The following RYR2 variants were observed in gnomAD, a reference collection of about 807,000 sequenced individuals.
The protein encoded by RYR2 is cardiac muscle ryanodine receptor-calcium release channel.
RYR2 carries 227 observed loss-of-function variants against 601.1 expected under a neutral mutation model. The ratio of observed to expected loss-of-function variants is 0.38; its 90% CI spans 0.34 to 0.42. The LOEUF (loss-of-function observed/expected upper bound fraction) is 0.42. RYR2 is among the 10% of genes least tolerant of loss of function. RYR2 has a pLI of 1.00. For missense variants in RYR2, 4,646 were observed against 6,156.5 expected (o/e 0.75, Z 8.21); for synonymous variants, 2,223 against 2,175.1 (o/e 1.02, Z -0.61).
chr1:237,442,567 A>G (rs1327174255), intron 13 of RYR2, among the ~76,000 whole-genome samples: 1 of 152,194 alleles, frequency 6.6e-6, no homozygotes, highest in African/African-American at 2.4e-5. Context: ...TGTTATCTCA[A>G]TAATATCTTT....
At chr1:237,461,748 A>G (rs773062321) in intron 16 of RYR2, among the ~76,000 whole-genome samples, 1 of 151,770 alleles carries the variant, frequency 6.6e-6, no homozygotes, top group Non-Finnish European at 1.5e-5. Flanking sequence ...AAAAACATTT[A>G]TATATTAGTG....
At chr1:237,556,395 G>C (rs887789453) in intron 27 of RYR2, among the ~76,000 whole-genome samples, 7 of 151,250 alleles carry the variant, frequency 4.6e-5, no homozygotes, top group African/African-American at 1.7e-4. Context: ...TGCCTCCCTG[G>C]TTCAGGTGAT....
At chr1:237,185,442 CATT>C (rs1194329174) in intron 1 of RYR2, among the ~76,000 whole-genome samples, 1 of 152,150 alleles carries the variant, frequency 6.6e-6, no homozygotes, top group Non-Finnish European at 1.5e-5. Context: ...AAACAGAACT[CATT>C]ATCTTTCCTG....
intron 2 of RYR2, among the ~76,000 whole-genome samples, chr1:237,288,900 G>A (rs1691884751): frequency 6.6e-6 from 1 of 152,090 alleles, no homozygotes; most frequent in African/African-American, 2.4e-5. Flanking sequence ...GTTTTACCCC[G>A]TGCTCCTCTC....
chr1:237,261,937 T>C (rs1465774914), intron 1 of RYR2, among the ~76,000 whole-genome samples: 2 of 152,216 alleles, frequency 1.3e-5, no homozygotes, highest in Non-Finnish European at 2.9e-5. Context: ...TTTTTAAAAT[T>C]TGTCCTCTTC....
At chr1:237,055,594 G>T (rs533624643) in intron 1 of RYR2, among the ~76,000 whole-genome samples, 1 of 152,270 alleles carries the variant, frequency 6.6e-6, no homozygotes, top group East Asian at 1.9e-4. Flanking sequence ...AAAAGACAAA[G>T]CTGAGCTTCA....
chr1:237,146,639 G>C (rs749845125), intron 1 of RYR2, among the ~76,000 whole-genome samples: 16 of 152,020 alleles, frequency 1.1e-4, no homozygotes, highest in Non-Finnish European at 2.1e-4. Context: ...ACCAGTTTCT[G>C]TCCACTAGCA....
chr1:237,057,197 T>A (rs1055464062), intron 1 of RYR2, among the ~76,000 whole-genome samples: 3 of 152,038 alleles, frequency 2.0e-5, no homozygotes, highest in African/African-American at 7.3e-5. Flanking sequence ...GAAACTTCTT[T>A]TTTTTTTGGA....
rs1454549719 is a variant in RYR2 at position 237,330,941 on chromosome 1, C to G, written c.232C>G (p.Leu78Val). The change falls in exon 3 of 105, where the codon CTG becomes GTG. Residue 78 changes from leucine to valine, a missense_variant. Physicochemically the swap from Leu to Val is conservative, Grantham distance 32. Transcript: ENST00000366574. The stretch of plus-strand genomic sequence containing the variant: ...GGAGCAGTCCCTCTCTGTCCGGGCG[C>G]TGCAGGAGATGCTGGCTAACACCGT... ...VLEQSLSVRA[L>V]QEMLANTVEK... is the part of the protein sequence containing the mutation. The G allele has an allele frequency of 6.2e-7, 1 of 1,613,970 alleles. No homozygotes were observed. Among genetic ancestry groups the G allele is most frequent in the East Asian group, 2.2e-5 (1 of 44,876 alleles).
intron 101 of RYR2, among the ~76,000 whole-genome samples, chr1:237,824,971 C>G (rs750579306): frequency 5.9e-5 from 9 of 152,126 alleles, no homozygotes; most frequent in Non-Finnish European, 8.8e-5. Context: ...TGTGAAGGAC[C>G]TCTTCAAGGA....
chr1:237,400,396 A>T (rs941984368), intron 10 of RYR2, among the ~76,000 whole-genome samples: 45 of 152,204 alleles, frequency 3.0e-4, no homozygotes, highest in African/African-American at 9.6e-4. Context: ...GGAGATTTTT[A>T]CTTTAGCACA....
In RYR2 at chr1:237,803,449, C is replaced by T. The variant is rs145478523; in HGVS notation, c.14151+1533C>T. The stretch of plus-strand genomic sequence containing the variant: ...CTGAGTAGCTGGGACTACAGGCGCC[C>T]GCCACCACGCCCGGCTAATTTTTTG... On this transcript the variant is annotated intron_variant, in intron 98 of 104. Coordinates refer to ENST00000366574, the MANE Select transcript of RYR2 (RefSeq NM_001035.3). Among the ~76,000 whole-genome samples, 280 of 152,184 alleles carry T rather than the reference C, an allele frequency of 1.8e-3. 2 individuals carry two copies. Among genetic ancestry groups the T allele is most frequent in the African/African-American group, 5.8e-3 (239 of 41,534 alleles).
chr1:237,381,176 C>T (rs889494787), intron 8 of RYR2, among the ~76,000 whole-genome samples: 2 of 135,778 alleles, frequency 1.5e-5, no homozygotes, highest in Admixed American at 8.7e-5. Flanking sequence ...ACTGGGGAGG[C>T]GGAGGTTGCA....
At chr1:237,681,686 T>C (rs1235575980) in intron 62 of RYR2, among the ~76,000 whole-genome samples, 2 of 152,192 alleles carry the variant, frequency 1.3e-5, no homozygotes, top group African/African-American at 2.4e-5. Context: ...GCAGTTACTT[T>C]CCAAGATGTG....
chr1:237,787,051 A>G (rs767434278), intron 91 of RYR2, among the ~76,000 whole-genome samples: 16 of 152,206 alleles, frequency 1.1e-4, no homozygotes, highest in Non-Finnish European at 2.2e-4. Flanking sequence ...GTATTAATAC[A>G]TATGACTTCA....
intron 63 of RYR2, among the ~76,000 whole-genome samples, chr1:237,696,540 C>CTTTT (rs55771611): frequency 1.4e-5 from 2 of 138,724 alleles, no homozygotes; most frequent in South Asian, 2.3e-4. Flanking sequence ...GCACTGCAGA[C>CTTTT]TTTTTTTTTT....
intron 63 of RYR2, among the ~76,000 whole-genome samples, chr1:237,694,978 A>G (rs1464423338): frequency 6.6e-6 from 1 of 152,206 alleles, no homozygotes; most frequent in African/African-American, 2.4e-5. Context: ...TTAGAAAAGT[A>G]GAGAAAAATA....
At chr1:237,270,292 C>T (rs898672837) in intron 1 of RYR2, 1 of 719,776 alleles carries the variant, frequency 1.4e-6, no homozygotes, top group Non-Finnish European at 2.4e-6. Context: ...CCTCTTTTCC[C>T]CTACTCAGTT....
intron 25 of RYR2, among the ~76,000 whole-genome samples, chr1:237,542,283 G>T (rs1414101390): frequency 6.6e-6 from 1 of 151,910 alleles, no homozygotes; most frequent in Non-Finnish European, 1.5e-5. Context: ...AGTAGAGATG[G>T]GGTTTCTCCA....
Sources: allele counts gnomAD v4.1 joint callset (sites outside exome capture counted in the v4.1 genomes callset), GRCh38; gene constraint gnomAD v4.1.1; transcripts MANE v1.5; gene names NCBI Gene and HGNC (gene_info 2026-07-23, HGNC 2026-07-21).